SLC6A12: variants seen among roughly 807,000 people sequenced by gnomAD.
SLC6A12 encodes sodium- and chloride-dependent betaine transporter.
A neutral mutation model predicts 73.3 loss-of-function variants in SLC6A12; 50 were observed. The observed-to-expected ratio is 0.68, with a 90% CI of 0.54 to 0.86. SLC6A12 has a LOEUF of 0.86. Among genes scored for constraint, SLC6A12 ranks in the 40% least tolerant of loss-of-function variants. The pLI, the probability that SLC6A12 is intolerant of heterozygous loss-of-function variation, is 0.00. For synonymous variants in SLC6A12, 304 were observed against 309.2 expected (o/e 0.98, Z 0.18); for missense variants, 648 against 772.8 (o/e 0.84, Z 1.92).
At chr12:206,493 G>A (rs1440135097) in intron 3 of SLC6A12, among the ~76,000 whole-genome samples, 1 of 152,172 alleles carries the variant, frequency 6.6e-6, no homozygotes, top group South Asian at 2.1e-4. Context: ...TGGATATTTT[G>A]GTTGTTTCCA....
rs756958875 is a variant in SLC6A12 at position 198,839 on chromosome 12, G to C, written c.804C>G (p.Ile268Met). The C allele has an allele frequency of 6.2e-7, 1 of 1,614,192 alleles. No individual in the cohort carries two copies. The highest frequency in any genetic ancestry group is 8.5e-7 in the Non-Finnish European group (1 of 1,180,002). ...GGAACAAATCTGGCTTCAAGTAGTA[G>C]ATGATGCCCTGGTAGGCTCCGGGAA... ...VTLPGAYQGI[I>M]YYLKPDLFRL... The change falls in exon 8 of 16, where the codon ATC becomes ATG. Residue 268 changes from isoleucine (I) to methionine (M), a missense_variant. Ile to Met is a conservative substitution (Grantham distance 10). Coordinates refer to ENST00000684302, the MANE Select transcript of SLC6A12 (RefSeq NM_001122848.3). This position sits in a 1 kb window ranked among gnomAD's most constrained non-coding sequence, Gnocchi z 4.0.
In SLC6A12 at chr12:202,762, G is replaced by C; in HGVS notation, c.468C>G (p.Thr156=). 4 of 1,613,616 alleles carry C rather than the reference G, an allele frequency of 2.5e-6. No individual in the cohort carries two copies. Among genetic ancestry groups the C allele is most frequent in the Non-Finnish European group, 3.4e-6 (4 of 1,179,758 alleles). ...TACCTGTGTTCCAAAAGTTGTTGCA[G>C]GTCGTCCAGGGCAGCTCAGAAGTGA... ...SSFTSELPWT[T]CNNFWNTEHC... is the part of the protein sequence containing the mutation. Residue 156 remains threonine, a synonymous_variant, in exon 5 of 16, where the codon ACC becomes ACG. Coordinates refer to ENST00000684302, the MANE Select transcript of SLC6A12 (RefSeq NM_001122848.3).
At chr12:195,046 A>G (rs914877158) in intron 13 of SLC6A12, among the ~76,000 whole-genome samples, 179 bp downstream of exon 13, 13 of 152,230 alleles carry the variant, frequency 8.5e-5, no homozygotes, top group African/African-American at 3.1e-4. Flanking sequence ...TGCTGCCATG[A>G]AAATGCCAGG....
chr12:196,224 T>A lies in SLC6A12; in HGVS notation c.1226A>T (p.Asp409Val). 6.2e-7 allele frequency: 1 copy of A among 1,603,528 alleles called. No individual in the cohort carries two copies. The highest frequency in any genetic ancestry group is 1.1e-5 in the South Asian group (1 of 88,250). ...CVECLVTASI[D>V]MFPRQLRKSG... Reference sequence around the variant, plus strand: ...CTTCCGGAGCTGCCTGGGGAACATGTCTATGGAGGCTGTCACCAGGCACTC... The same window carrying A: ...CTTCCGGAGCTGCCTGGGGAACATGACTATGGAGGCTGTCACCAGGCACTC... The change falls in exon 12 of 16, where the codon GAC becomes GTC. Residue 409 changes from aspartate to valine, a missense_variant. Transcript: ENST00000684302.
At chr12:186,866 A>C (rs960933272), downstream of SLC6A12, among the ~76,000 whole-genome samples, 1 of 152,160 alleles carries the variant, frequency 6.6e-6, no homozygotes, top group African/African-American at 2.4e-5. Context: ...TCCACACCGG[A>C]GCAGGCTGGA....
chr12:210,050 G>T lies in SLC6A12; in HGVS notation c.-57-7C>A. 6.3e-7 allele frequency: 1 copy of T among 1,585,410 alleles called. No individual in the cohort carries two copies. The highest frequency in any genetic ancestry group is 8.6e-7 in the Non-Finnish European group (1 of 1,163,206). ...GGATGACGAGGGCCAAAGCCTGGTG[G>T]GAAGAGAAGAAATTAGCTGTAAAAC... is the stretch of plus-strand genomic sequence containing the variant. On this transcript the variant is annotated splice_polypyrimidine_tract_variant and splice_region_variant and intron_variant, in intron 2 of 15. Transcript: ENST00000684302.
chr12:200,594 G>A (rs2137152956), intron 7 of SLC6A12, 57 bp downstream of exon 7: 3 of 1,570,564 alleles, frequency 1.9e-6, no homozygotes, highest in South Asian at 2.3e-5. Context: ...TCCCCCTCAA[G>A]TGTCCCCGTA....
chr12:187,308 G>A (rs568600182), downstream of SLC6A12, among the ~76,000 whole-genome samples: 72 of 152,138 alleles, frequency 4.7e-4, no homozygotes, highest in Admixed American at 1.6e-3. Flanking sequence ...TCTTAAAGGC[G>A]GCGTGTCCGG....
At chr12:200,515 C>T in intron 7 of SLC6A12, 136 bp downstream of exon 7, 1 of 901,586 alleles carries the variant, frequency 1.1e-6, no homozygotes, top group South Asian at 1.9e-5. Context: ...CCTGTTCTCA[C>T]TAGGCATCTC....
chr12:184,503 C>T, the SLC6A12 span, among the ~76,000 whole-genome samples: 6 of 152,262 alleles, frequency 3.9e-5, no homozygotes, highest in African/African-American at 1.4e-4. Flanking sequence ...GTAATCCCAG[C>T]ACTTTGGGAG....
chr12:209,382 G>A (rs1251685577), intron 3 of SLC6A12, among the ~76,000 whole-genome samples: 1 of 152,066 alleles, frequency 6.6e-6, no homozygotes, highest in African/African-American at 2.4e-5. Flanking sequence ...ATCCTCCCAC[G>A]GAGGGTGGCA....
chr12:200,836 T>A, intron 6 of SLC6A12, 53 bp from the exon 7 acceptor site: 1 of 1,573,362 alleles, frequency 6.4e-7, no homozygotes, highest in East Asian at 2.3e-5. Context: ...GGGGACAGTT[T>A]GCGTCTGTCA....
chr12:206,310 C>T (rs538857206), intron 3 of SLC6A12, among the ~76,000 whole-genome samples: 3 of 152,238 alleles, frequency 2.0e-5, no homozygotes, highest in African/African-American at 7.2e-5. Flanking sequence ...TTCTAGGTAC[C>T]TTATGAAAGT....
chr12:184,914 C>T, the SLC6A12 span, among the ~76,000 whole-genome samples: 1 of 136,872 alleles, frequency 7.3e-6, no homozygotes, highest in Non-Finnish European at 1.5e-5. Context: ...GCCTGGGGGA[C>T]AGAATGAAAC....
downstream of SLC6A12, among the ~76,000 whole-genome samples, chr12:187,595 A>AAAG (rs1565461289): frequency 4.5e-4 from 3 of 6,622 alleles, no homozygotes; most frequent in African/African-American, 6.3e-4. Flanking sequence ...AGAGCAAAAA[A>AAAG]AAAAAAAAAA....
At chr12:196,100 T>C (rs1407826256) in intron 12 of SLC6A12, 24 bp downstream of exon 12, 2 of 1,550,536 alleles carry the variant, frequency 1.3e-6, no homozygotes, top group Non-Finnish European at 1.7e-6. Flanking sequence ...GAGCCTGGCC[T>C]GCAGGCCGGC....
In SLC6A12 at chr12:202,891, G is replaced by A. The variant is rs759925640; in HGVS notation, c.350-11C>T. 16 of 1,613,004 alleles carry A rather than the reference G, an allele frequency of 9.9e-6. No homozygotes were observed. The highest frequency in any genetic ancestry group is 1.6e-4 in the Middle Eastern group (1 of 6,072). On this transcript the variant is annotated splice_polypyrimidine_tract_variant and intron_variant, in intron 4 of 15. Transcript: ENST00000684302. ...ATGCCAGACCAATGCCTTCCAGAGT[G>A]GGGGAGAGATGGGGAGGGACAAGAG...
At chr12:192,367 C>G (rs1746602696) in intron 15 of SLC6A12, 111 bp downstream of exon 15, 1 of 902,312 alleles carries the variant, frequency 1.1e-6, no homozygotes, top group African/African-American at 1.7e-5. Flanking sequence ...GAAGGGCTGC[C>G]CCACACTCAG....
At chr12:200,171 C>T (rs935142514) in intron 7 of SLC6A12, among the ~76,000 whole-genome samples, 38 of 140,994 alleles carry the variant, frequency 2.7e-4, no homozygotes, top group Non-Finnish European at 4.5e-4. Context: ...TGCAGTGGCG[C>T]TATCTCGGCT....
Sources: gnomAD v4.1 joint callset for allele counts (sites outside exome capture counted in the v4.1 genomes callset) on GRCh38, gnomAD v4.1.1 for gene constraint, Gnocchi (gnomAD v3.1) non-coding constraint, MANE v1.5 for transcripts, NCBI Gene and HGNC (gene_info 2026-07-23, HGNC 2026-07-21) for gene names.